AMPH: variants seen among roughly 807,000 people sequenced by gnomAD.
AMPH encodes amphiphysin.
Under a neutral mutation model 99.1 loss-of-function variants are expected in AMPH, and 49 were observed. The observed-to-expected ratio is 0.49, with a 90% CI of 0.39 to 0.63. AMPH has a LOEUF of 0.63. AMPH is among the 20% of genes least tolerant of loss of function. The pLI, the probability that AMPH is intolerant of heterozygous loss-of-function variation, is 0.00. For synonymous variants in AMPH, 314 were observed against 317.3 expected (o/e 0.99, Z 0.11); for missense variants, 759 against 863.4 (o/e 0.88, Z 1.52).
intron 1 of AMPH, among the ~76,000 whole-genome samples, chr7:38,599,722 C>T (rs1281886062): frequency 6.6e-6 from 1 of 151,746 alleles, no homozygotes; most frequent in African/African-American, 2.4e-5. Context: ...CAAATTTGGT[C>T]TGTATTTGGT....
chr7:38,423,332 G>C (rs77646106), intron 15 of AMPH, among the ~76,000 whole-genome samples: 1 of 152,094 alleles, frequency 6.6e-6, no homozygotes, highest in Non-Finnish European at 1.5e-5. Context: ...CATTACATTG[G>C]TAGCCAGGCT....
chr7:38,467,916 TG>T (rs1490675498), intron 7 of AMPH, among the ~76,000 whole-genome samples: 1 of 152,038 alleles, frequency 6.6e-6, no homozygotes, highest in Non-Finnish European at 1.5e-5. Context: ...AAATAGAAGG[TG>T]GGTACAGATG....
At chr7:38,401,705 C>A (rs1784845927) in intron 17 of AMPH, among the ~76,000 whole-genome samples, 1 of 152,142 alleles carries the variant, frequency 6.6e-6, no homozygotes, top group Non-Finnish European at 1.5e-5. Context: ...TATTTCCAAC[C>A]TAGATGCTTG....
chr7:38,468,362 A>T (rs757420150), intron 7 of AMPH, among the ~76,000 whole-genome samples: 2 of 152,092 alleles, frequency 1.3e-5, no homozygotes, highest in Non-Finnish European at 2.9e-5. Context: ...TCAATATGTA[A>T]TGGCACTTCT....
intron 16 of AMPH, among the ~76,000 whole-genome samples, chr7:38,421,357 C>T (rs1785577095): frequency 6.6e-6 from 1 of 152,232 alleles, no homozygotes; most frequent in Admixed American, 6.5e-5. Context: ...ATCTTCATCA[C>T]TCAGCTGGAG....
chr7:38,602,383 G>T lies in AMPH; in HGVS notation c.69+28900C>A, dbSNP rs188138232. On this transcript the variant is annotated intron_variant, in intron 1 of 20. Transcript: ENST00000356264. The stretch of plus-strand genomic sequence containing the variant: ...GTTCTGGGGGTCAGAAGTTTGAAAT[G>T]AGTCTTACCAGGCTAACATCGAGCT... 6.6e-4 allele frequency among the ~76,000 whole-genome samples: 100 copies of T among 152,336 alleles called. 1 individual carries two copies. Among genetic ancestry groups the T allele is most frequent in the African/African-American group, 2.4e-3 (99 of 41,584 alleles).
intron 2 of AMPH, among the ~76,000 whole-genome samples, chr7:38,526,551 C>T (rs1226905828): frequency 1.4e-5 from 2 of 148,048 alleles, no homozygotes; most frequent in Non-Finnish European, 3.0e-5. Context: ...TCTAGGATTA[C>T]AGGCGTGAGC....
intron 17 of AMPH, among the ~76,000 whole-genome samples, chr7:38,397,236 T>C (rs376570134): frequency 2.0e-5 from 3 of 152,236 alleles, no homozygotes; most frequent in East Asian, 3.8e-4. Flanking sequence ...TTATTACTAA[T>C]TGGCTTTTAG....
intron 1 of AMPH, among the ~76,000 whole-genome samples, chr7:38,536,033 A>G (rs1415069514): frequency 1.3e-5 from 2 of 152,190 alleles, no homozygotes; most frequent in Non-Finnish European, 2.9e-5. Context: ...CAAAGAAATC[A>G]TGGGATACTC....
At chr7:38,465,305 C>A (rs722336) in intron 9 of AMPH, among the ~76,000 whole-genome samples, 162 bp downstream of exon 9, 53,030 of 151,960 alleles carry the variant, frequency 0.35, 9,689 homozygotes, top group East Asian at 0.54. Context: ...GAAGGCCAGA[C>A]ATAAATGTAA....
chr7:38,424,217 T>A (rs925565860), intron 15 of AMPH, among the ~76,000 whole-genome samples: 1 of 152,364 alleles, frequency 6.6e-6, no homozygotes, highest in East Asian at 1.9e-4. Flanking sequence ...GAACTCTATC[T>A]ACCTGTACAA....
Position 38,580,085 on chromosome 7 carries a change from T to C in AMPH, c.70-45074A>G, listed in dbSNP as rs77385126. ...ATTCTCATCAGAGCACTACATCAAT[T>C]TTACATAAATAAAATACCCTCCTAG... is the stretch of plus-strand genomic sequence containing the variant. On this transcript the variant is annotated intron_variant, in intron 1 of 20. Coordinates refer to ENST00000356264, the MANE Select transcript of AMPH (RefSeq NM_001635.4). 9.4e-3 allele frequency among the ~76,000 whole-genome samples: 1,425 copies of C among 152,216 alleles called. 19 individuals are homozygous for C. Among genetic ancestry groups the C allele is most frequent in the African/African-American group, 0.032 (1,325 of 41,520 alleles).
chr7:38,525,258 G>GTGTATATATATATATATATA (rs1173107719), intron 2 of AMPH, among the ~76,000 whole-genome samples: 11 of 111,186 alleles, frequency 9.9e-5, no homozygotes, highest in African/African-American at 4.4e-4. Flanking sequence ...GTGTGTGTGT[G>GTGTATATATATATATATATA]TATATATATA....
intron 19 of AMPH, among the ~76,000 whole-genome samples, chr7:38,390,915 A>G (rs908304512): frequency 1.3e-5 from 2 of 151,458 alleles, no homozygotes; most frequent in Admixed American, 1.3e-4. Context: ...TGTCCCCACA[A>G]GAGGTAGCAA....
At chr7:38,583,369 C>T (rs909805080) in intron 1 of AMPH, among the ~76,000 whole-genome samples, 3 of 151,728 alleles carry the variant, frequency 2.0e-5, no homozygotes, top group African/African-American at 7.3e-5. Flanking sequence ...AATAGAAAGC[C>T]TAGCGAAAAG....
chr7:38,592,884 T>G (rs1190706194), intron 1 of AMPH, among the ~76,000 whole-genome samples: 2 of 152,194 alleles, frequency 1.3e-5, no homozygotes, highest in East Asian at 3.9e-4. Context: ...AGCATTGCTT[T>G]GAGAAGCCAA....
chr7:38,505,387 C>A (rs1330204016), intron 2 of AMPH, among the ~76,000 whole-genome samples: 1 of 152,104 alleles, frequency 6.6e-6, no homozygotes, highest in Non-Finnish European at 1.5e-5. Flanking sequence ...CGGTTACTAC[C>A]AGACAAAAGC....
chr7:38,591,185 C>T (rs1249474750), intron 1 of AMPH, among the ~76,000 whole-genome samples: 3 of 152,006 alleles, frequency 2.0e-5, no homozygotes, highest in Non-Finnish European at 4.4e-5. Context: ...AGGGAATTTT[C>T]AAATATAAAT....
At position 38,631,317 on chromosome 7, in the gene AMPH, T is replaced by G; in HGVS notation, c.35A>C (p.Asn12Thr). The G allele has an allele frequency of 6.4e-7, 1 of 1,550,638 alleles. No individual in the cohort carries two copies. The highest frequency in any genetic ancestry group is 8.7e-7 in the Non-Finnish European group (1 of 1,148,914). ...CGCGCGGTTGAGTCGCTTCTGGACG[T>G]TCTTGGCGAAGATGCCCGTCTTGAT... is the stretch of plus-strand genomic sequence containing the variant. ...ADIKTGIFAK[N>T]VQKRLNRAQE... The change falls in exon 1 of 21, where the codon AAC becomes ACC. Residue 12 changes from asparagine to threonine, a missense_variant. By Grantham distance (65) the Asn-to-Thr change is moderately conservative. This residue lies in a region of AMPH where 205 missense variants were observed against 287.9 expected (regional missense o/e 0.71). Coordinates refer to ENST00000356264, the MANE Select transcript of AMPH (RefSeq NM_001635.4).
Sources: gnomAD v4.1 joint callset for allele counts (sites outside exome capture counted in the v4.1 genomes callset) on GRCh38, gnomAD v4.1.1 for gene constraint, gnomAD v4.1.1 regional missense constraint, MANE v1.5 for transcripts, NCBI Gene and HGNC (gene_info 2026-07-23, HGNC 2026-07-21) for gene names.